Variants in SPAG6 observed in about 807,000 individuals in gnomAD.
The protein encoded by SPAG6 is sperm associated antigen 6.
In SPAG6, 49 loss-of-function variants were observed where a neutral mutation model predicts 58.5. That is an observed-to-expected ratio of 0.84 (90% CI 0.67 to 1.06). The LOEUF (loss-of-function observed/expected upper bound fraction) is 1.06, where lower values mean the gene tolerates loss of function less well. Among genes scored for constraint, SPAG6 ranks in the 50% least tolerant of loss-of-function variants. The probability of loss-of-function intolerance (pLI) is 0.00; values close to 1 mark genes in which losing one functional copy is unlikely to be tolerated. For missense variants in SPAG6, 560 were observed against 611.3 expected (o/e 0.92, Z 0.89); for synonymous variants, 233 against 225.6 (o/e 1.03, Z -0.29).
At chr10:22,400,326 A>G (rs548754201) in intron 8 of SPAG6, among the ~76,000 whole-genome samples, 1 of 152,216 alleles carries the variant, frequency 6.6e-6, no homozygotes, top group South Asian at 2.1e-4. Context: ...AGCTGGAGAC[A>G]AACCCAATTG....
At chr10:22,387,159 A>G (rs190663795) in intron 5 of SPAG6, among the ~76,000 whole-genome samples, 200 bp downstream of exon 5, 150 of 152,336 alleles carry the variant, frequency 9.8e-4, no homozygotes, top group African/African-American at 3.6e-3. Flanking sequence ...TGGGGAAACT[A>G]TGTACAAGAT....
At chr10:22,401,817 G>A (rs946261770) in intron 9 of SPAG6, among the ~76,000 whole-genome samples, 1 of 152,182 alleles carries the variant, frequency 6.6e-6, no homozygotes, top group African/African-American at 2.4e-5. Context: ...AGGTCAAGCT[G>A]CTATAAGTGG....
rs1834875912 is a variant in SPAG6 at position 22,416,768 on chromosome 10, C to G, written c.*80C>G. ...AATTAAATCCTTCTAAATATTTGAA[C>G]TAAGTATATTCTAGATTTATTTAAT... On this transcript the variant is annotated 3_prime_UTR_variant, in exon 11 of 11. Coordinates refer to ENST00000376624, the MANE Select transcript of SPAG6 (RefSeq NM_012443.4). The G allele has an allele frequency of 1.3e-6, 1 of 783,956 alleles. No homozygotes were observed. Among genetic ancestry groups the G allele is most frequent in the South Asian group, 1.5e-5 (1 of 64,818 alleles). 48.6% of individuals were successfully genotyped at this position (783,956 alleles called of 1,614,324 possible). A position where few individuals can be genotyped will look rare whatever the true frequency, so the allele number is the denominator to read the frequency against.
intron 5 of SPAG6, 108 bp from the exon 6 acceptor site, chr10:22,387,715 C>T: frequency 8.9e-7 from 1 of 1,117,672 alleles, no homozygotes; most frequent in Non-Finnish European, 1.2e-6. Flanking sequence ...CATTTTTTTC[C>T]TTTTATAAAG....
intron 2 of SPAG6, among the ~76,000 whole-genome samples, chr10:22,359,708 A>G (rs1279228252): frequency 6.6e-6 from 1 of 152,242 alleles, no homozygotes; most frequent in Non-Finnish European, 1.5e-5. Context: ...TTTTGCCACA[A>G]TAAAAAAATT....
At chr10:22,379,615 T>C (rs1833905208) in intron 4 of SPAG6, among the ~76,000 whole-genome samples, 2 of 152,208 alleles carry the variant, frequency 1.3e-5, no homozygotes, top group African/African-American at 2.4e-5. Context: ...AGTTGACTTC[T>C]TGATTGTAGC....
chr10:22,360,428 TCAAGACCAGCCTGGG>T (rs1268415197), intron 2 of SPAG6, among the ~76,000 whole-genome samples: 2 of 147,994 alleles, frequency 1.4e-5, no homozygotes, highest in Non-Finnish European at 3.0e-5. Context: ...GTCCAGGAGT[TCAAGACCAGCCTGGG>T]CAACAAGGCA....
At chr10:22,351,863 A>G (rs977272901) in intron 2 of SPAG6, among the ~76,000 whole-genome samples, 1 of 152,048 alleles carries the variant, frequency 6.6e-6, no homozygotes, top group East Asian at 1.9e-4. Flanking sequence ...TTTATTGTTT[A>G]TTTAGTTTCT....
At chr10:22,346,151 C>T in intron 2 of SPAG6, 10 of 1,302,398 alleles carry the variant, frequency 7.7e-6, no homozygotes, top group Non-Finnish European at 1.0e-5. Flanking sequence ...TGCCATTTTG[C>T]ATGCCACCCT....
chr10:22,412,626 A>T, intron 10 of SPAG6: 3 of 575,000 alleles, frequency 5.2e-6, no homozygotes, highest in Non-Finnish European at 5.7e-6. Context: ...GCTGGAGTGC[A>T]GTAGCGCGAT....
At chr10:22,356,380 A>G (rs1334359950) in intron 2 of SPAG6, among the ~76,000 whole-genome samples, 1 of 152,200 alleles carries the variant, frequency 6.6e-6, no homozygotes, top group Non-Finnish European at 1.5e-5. Flanking sequence ...ACAGCTATAC[A>G]TGGTGGACCT....
intron 2 of SPAG6, among the ~76,000 whole-genome samples, chr10:22,356,486 A>C (rs538458077): frequency 2.0e-5 from 3 of 152,366 alleles, no homozygotes; most frequent in South Asian, 4.1e-4. Flanking sequence ...CCTTAAAATA[A>C]AATCAGAAAA....
Position 22,396,831 on chromosome 10 carries a change from A to G in SPAG6, c.1198-4330A>G, listed in dbSNP as rs574161267. Among the ~76,000 whole-genome samples the G allele has an allele frequency of 5.3e-5, 8 of 152,332 alleles. No individual in the cohort carries two copies. In the South Asian group the frequency reaches 1.7e-3, roughly 32 times the overall value. On this transcript the variant is annotated intron_variant, in intron 8 of 10. Transcript: ENST00000376624. ...AGAACTGTAGATGCTATGCTAGTTA[A>G]TAGGTAAACCAGGCCCAAACCCTCA...
chr10:22,364,351 A>G (rs891110384), intron 2 of SPAG6, among the ~76,000 whole-genome samples: 3 of 152,218 alleles, frequency 2.0e-5, no homozygotes, highest in African/African-American at 7.2e-5. Context: ...GGTGATGATG[A>G]TGATATACCT....
chr10:22,364,542 C>T (rs1258884617), intron 2 of SPAG6, among the ~76,000 whole-genome samples: 1 of 152,198 alleles, frequency 6.6e-6, no homozygotes, highest in Non-Finnish European at 1.5e-5. Context: ...GCATACTCTA[C>T]AACCTTTCTC....
intron 9 of SPAG6, among the ~76,000 whole-genome samples, chr10:22,406,116 G>T (rs530773973): frequency 1.1e-3 from 173 of 152,220 alleles, no homozygotes; most frequent in South Asian, 2.9e-3. Context: ...TTTTTGAAGG[G>T]TTTTTTGTGT....
intron 2 of SPAG6, among the ~76,000 whole-genome samples, chr10:22,350,064 G>A (rs1836674630): frequency 1.3e-5 from 2 of 150,860 alleles, no homozygotes; most frequent in Admixed American, 6.6e-5. Context: ...AATTAACAAA[G>A]CAACTACAAA....
Position 22,376,634 on chromosome 10 carries a change from C to CGT in SPAG6, c.472+7956_472+7957insGT, listed in dbSNP as rs549109633. Among the ~76,000 whole-genome samples, 719 of 151,748 alleles carry CGT rather than the reference C, an allele frequency of 4.7e-3. 7 individuals are homozygous for CGT. Among genetic ancestry groups the CGT allele is most frequent in the African/African-American group, 0.017 (681 of 41,236 alleles). On this transcript the variant is annotated intron_variant, in intron 4 of 10. Coordinates refer to ENST00000376624, the MANE Select transcript of SPAG6 (RefSeq NM_012443.4). ...ACATGCATGTGCGTATACTTGTGGA[C>CGT]ATGTGTGTGTGTGTGTGTGTATGAC...
At chr10:22,370,941 C>G (rs977940164) in intron 4 of SPAG6, among the ~76,000 whole-genome samples, 4 of 152,076 alleles carry the variant, frequency 2.6e-5, no homozygotes, top group Admixed American at 6.6e-5. Context: ...TATAGATACT[C>G]TCTCAGGCAG....
Sources: allele counts gnomAD v4.1 joint callset (sites outside exome capture counted in the v4.1 genomes callset), GRCh38; gene constraint gnomAD v4.1.1; transcripts MANE v1.5; gene names NCBI Gene and HGNC (gene_info 2026-07-23, HGNC 2026-07-21).